The following DYNC2H1 variants were observed in gnomAD, a reference collection of about 807,000 sequenced individuals.
DYNC2H1 encodes cytoplasmic dynein 2 heavy chain 1.
DYNC2H1 carries 410 observed loss-of-function variants against 570.0 expected under a neutral mutation model. That is an observed-to-expected ratio of 0.72 (90% CI 0.66 to 0.78). DYNC2H1 has a LOEUF of 0.78. Among genes scored for constraint, DYNC2H1 ranks in the 30% least tolerant of loss-of-function variants. The pLI, the probability that DYNC2H1 is intolerant of heterozygous loss-of-function variation, is 0.00. For missense variants in DYNC2H1, 4,865 were observed against 5,046.4 expected (o/e 0.96, Z 1.09); for synonymous variants, 1,688 against 1,677.6 (o/e 1.01, Z -0.15).
At chr11:103,342,729 C>T (rs1939530551) in intron 82 of DYNC2H1, among the ~76,000 whole-genome samples, 1 of 151,942 alleles carries the variant, frequency 6.6e-6, no homozygotes, top group Non-Finnish European at 1.5e-5. Context: ...TGGTCTCGAC[C>T]TCCTGACCTC....
rs60335910 is a variant in DYNC2H1 at position 103,371,927 on chromosome 11, G to GTTTTTTTTT, written c.12156+13585_12156+13593dup. 8.7e-4 allele frequency among the ~76,000 whole-genome samples: 59 copies of GTTTTTTTTT among 67,890 alleles called. 1 individual carries two copies. The highest frequency in any genetic ancestry group is 1.5e-3 in the East Asian group (3 of 2,018). The allele number at this position is 67,890 out of a possible 152,430, so 44.5% of individuals were successfully genotyped here. A position where few individuals can be genotyped will look rare whatever the true frequency, so the allele number is the denominator to read the frequency against. On this transcript the variant is annotated intron_variant, in intron 83 of 88. Coordinates refer to ENST00000375735, the MANE Select transcript of DYNC2H1 (RefSeq NM_001377.3). ...TTTGGTTTCTTCCTTTCCCATTTGG[G>GTTTTTTTTT]TTTTTTTTTTTTTTTTTTTTTTTTT...
chr11:103,398,096 C>CTT (rs1942470984), intron 83 of DYNC2H1, among the ~76,000 whole-genome samples: 1 of 152,060 alleles, frequency 6.6e-6, no homozygotes, highest in Admixed American at 6.5e-5. Context: ...GTTAATCTTG[C>CTT]TTGGTATATG....
Position 103,189,888 on chromosome 11 carries a change from C to G in DYNC2H1, c.7437+72C>G. On this transcript the variant is annotated intron_variant, in intron 45 of 88. Coordinates refer to ENST00000375735, the MANE Select transcript of DYNC2H1 (RefSeq NM_001377.3). The surrounding 1 kb of genome is among the most constrained non-coding windows in gnomAD (Gnocchi z 4.3). ...TCTAAAGGTCTACTTTTAATTCTGA[C>G]CTCTGTGTTGACACCCAGGCTTTAC... 6.9e-7 allele frequency: 1 copy of G among 1,444,682 alleles called. No individual in the cohort carries two copies. The highest frequency in any genetic ancestry group is 2.3e-5 in the Admixed American group (1 of 44,146). 89.5% of individuals were successfully genotyped at this position (1,444,682 alleles called of 1,614,324 possible). A position where few individuals can be genotyped will look rare whatever the true frequency, so the allele number is the denominator to read the frequency against.
chr11:103,375,005 A>C (rs1941334559), intron 83 of DYNC2H1, among the ~76,000 whole-genome samples: 1 of 152,212 alleles, frequency 6.6e-6, no homozygotes. Context: ...CCAGGGGCCT[A>C]GGAGAGAAAA....
Position 103,205,967 on chromosome 11 carries a change from G to A in DYNC2H1, c.8454+1003G>A, listed in dbSNP as rs1056895098. ...AACTAACTTACTTTTGGATGCTTTC[G>A]AACAGAAATATTCTGACTCATTTTT... is the stretch of plus-strand genomic sequence containing the variant. On this transcript the variant is annotated intron_variant, in intron 52 of 88. Coordinates refer to ENST00000375735, the MANE Select transcript of DYNC2H1 (RefSeq NM_001377.3). The surrounding 1 kb of genome is among the most constrained non-coding windows in gnomAD (Gnocchi z 4.5). Among the ~76,000 whole-genome samples, 1 of 152,094 alleles carries A rather than the reference G, an allele frequency of 6.6e-6. No individual in the cohort carries two copies. The highest frequency in any genetic ancestry group is 2.4e-5 in the African/African-American group (1 of 41,414).
intron 50 of DYNC2H1, among the ~76,000 whole-genome samples, chr11:103,200,809 T>A (rs1862690430): frequency 6.6e-6 from 1 of 152,122 alleles, no homozygotes; most frequent in South Asian, 2.1e-4. Flanking sequence ...TAATAAGTAA[T>A]CTTGTTTGTT....
intron 87 of DYNC2H1, among the ~76,000 whole-genome samples, chr11:103,459,895 T>G (rs1347120053): frequency 1.5e-5 from 2 of 136,470 alleles, no homozygotes; most frequent in Non-Finnish European, 3.0e-5. Context: ...GAGCTTGCAG[T>G]GAGCCGAGAT....
intron 81 of DYNC2H1, among the ~76,000 whole-genome samples, chr11:103,322,719 G>A (rs1384085785): frequency 6.6e-6 from 1 of 152,110 alleles, no homozygotes; most frequent in Non-Finnish European, 1.5e-5. Flanking sequence ...TAAGCAAAGT[G>A]TATAACTCTA....
At chr11:103,356,110 A>G (rs772970853) in intron 82 of DYNC2H1, among the ~76,000 whole-genome samples, 3 of 152,154 alleles carry the variant, frequency 2.0e-5, no homozygotes, top group Non-Finnish European at 4.4e-5. Context: ...TATGTTGTTA[A>G]TGAATTAAAT....
intron 82 of DYNC2H1, among the ~76,000 whole-genome samples, chr11:103,349,251 C>A (rs1027768193): frequency 6.6e-6 from 1 of 151,686 alleles, no homozygotes; most frequent in African/African-American, 2.4e-5. Context: ...TAATTAACTG[C>A]AAAACTGTTT....
At chr11:103,468,121 T>C (rs1945253550) in intron 87 of DYNC2H1, among the ~76,000 whole-genome samples, 1 of 152,242 alleles carries the variant, frequency 6.6e-6, no homozygotes, top group Non-Finnish European at 1.5e-5. Context: ...TTCTTTCTTC[T>C]CTTTAATTCT....
At chr11:103,119,633 C>A (rs1193148595) in intron 6 of DYNC2H1, among the ~76,000 whole-genome samples, 1 of 152,212 alleles carries the variant, frequency 6.6e-6, no homozygotes, top group East Asian at 1.9e-4. Flanking sequence ...AGCCACTGCA[C>A]CTGGCCAACT....
chr11:103,204,084 A>G lies in DYNC2H1; in HGVS notation c.8311+308A>G, dbSNP rs1222838030. On this transcript the variant is annotated intron_variant, in intron 51 of 88. Coordinates refer to ENST00000375735, the MANE Select transcript of DYNC2H1 (RefSeq NM_001377.3). This position sits in a 1 kb window ranked among gnomAD's most constrained non-coding sequence, Gnocchi z 4.1. ...ATCATGGTGGAAGGGAAGGAGGAGC[A>G]AGTCATATTTTACATGGATGGCAGC... is the stretch of plus-strand genomic sequence containing the variant. Among the ~76,000 whole-genome samples, 1 of 152,144 alleles carries G rather than the reference A, an allele frequency of 6.6e-6. No individual in the cohort carries two copies. The highest frequency in any genetic ancestry group is 2.4e-5 in the African/African-American group (1 of 41,436).
At chr11:103,310,951 C>A (rs1867561184) in intron 78 of DYNC2H1, among the ~76,000 whole-genome samples, 1 of 151,980 alleles carries the variant, frequency 6.6e-6, no homozygotes, top group African/African-American at 2.4e-5. Flanking sequence ...ATCCACACAC[C>A]TCAGCTTCCC....
chr11:103,227,722 T>G (rs1275612827), intron 59 of DYNC2H1, among the ~76,000 whole-genome samples: 1 of 152,226 alleles, frequency 6.6e-6, no homozygotes, highest in Non-Finnish European at 1.5e-5. Context: ...ATAGTTTAAG[T>G]CCATTATTTC....
chr11:103,318,445 T>A (rs1327963903), intron 80 of DYNC2H1, among the ~76,000 whole-genome samples: 1 of 152,206 alleles, frequency 6.6e-6, no homozygotes, highest in Non-Finnish European at 1.5e-5. Flanking sequence ...ACATTATATT[T>A]GATAGATTCA....
chr11:103,417,502 A>G (rs1391243873), intron 84 of DYNC2H1, among the ~76,000 whole-genome samples: 5 of 152,212 alleles, frequency 3.3e-5, no homozygotes, highest in African/African-American at 4.8e-5. Context: ...TTCTTACAAG[A>G]TATTAGTAAA....
At chr11:103,255,563 T>C in intron 67 of DYNC2H1, 29 bp downstream of exon 67, 14 of 1,505,666 alleles carry the variant, frequency 9.3e-6, no homozygotes, top group Non-Finnish European at 1.2e-5. Flanking sequence ...AGGTTACTTT[T>C]TTCGTATTAC....
intron 83 of DYNC2H1, 74 bp downstream of exon 83, chr11:103,358,433 C>A: frequency 1.9e-6 from 2 of 1,040,246 alleles, no homozygotes; most frequent in Non-Finnish European, 2.9e-6. Flanking sequence ...CCATTTCTGC[C>A]TGAGTCATAC....
Sources: allele counts gnomAD v4.1 joint callset (sites outside exome capture counted in the v4.1 genomes callset), GRCh38; gene constraint gnomAD v4.1.1; non-coding constraint Gnocchi (gnomAD v3.1); transcripts MANE v1.5; gene names NCBI Gene and HGNC (gene_info 2026-07-23, HGNC 2026-07-21).